The following SORCS3 variants were observed in gnomAD, a reference collection of about 807,000 sequenced individuals.
SORCS3 encodes VPS10 domain-containing receptor SorCS3.
Under a neutral mutation model 146.3 loss-of-function variants are expected in SORCS3, and 57 were observed. The observed-to-expected ratio is 0.39, with a 90% CI of 0.31 to 0.49. The LOEUF is 0.49. SORCS3 is among the 20% of genes least tolerant of loss of function. The pLI is 0.92. For synonymous variants in SORCS3, 653 were observed against 618.5 expected, an observed-to-expected ratio of 1.06 and a Z score of -0.83; for missense variants, 1,341 against 1,575.5, an observed-to-expected ratio of 0.85 and a Z score of 2.52.
At position 105,223,174 on chromosome 10, in the gene SORCS3, C is replaced by T; in HGVS notation, c.2793C>T (p.Val931=). Residue 931 remains valine (V), a synonymous_variant, in exon 20 of 27, where the codon GTC becomes GTT. Coordinates refer to ENST00000369701, the MANE Select transcript of SORCS3 (RefSeq NM_014978.3). ...VPFVAIRNKE[V]NISAVVWPSQ... is the part of the protein sequence containing the mutation. Reference sequence around the variant, plus strand: ...TTGTTGCCATAAGAAATAAGGAGGTCAACATCAGTGCAGTCGTGTGGCCCA... The same window carrying T: ...TTGTTGCCATAAGAAATAAGGAGGTTAACATCAGTGCAGTCGTGTGGCCCA... 6.2e-7 allele frequency: 1 copy of T among 1,613,118 alleles called. No individual in the cohort carries two copies. The highest frequency in any genetic ancestry group is 8.5e-7 in the Non-Finnish European group (1 of 1,179,330).
rs892714966 is a variant in SORCS3 at position 105,114,756 on chromosome 10, G to A, written c.1212+9241G>A. On this transcript the variant is annotated intron_variant, in intron 7 of 26. Transcript: ENST00000369701. Reference sequence around the variant, plus strand: ...GTGTAGATCCATCTACTACCCAGTGGTATTTTCAACTCTCAGTAATATTCT... The same window carrying A: ...GTGTAGATCCATCTACTACCCAGTGATATTTTCAACTCTCAGTAATATTCT... 2.8e-5 allele frequency among the ~76,000 whole-genome samples: 4 copies of A among 144,282 alleles called. No individual in the cohort carries two copies. In the East Asian group the frequency reaches 8.3e-4, roughly 30 times the overall value. The allele number at this position is 144,282 out of a possible 152,430, so 94.7% of individuals were successfully genotyped here.
intron 5 of SORCS3, among the ~76,000 whole-genome samples, chr10:105,045,912 C>T (rs554472059): frequency 1.0e-3 from 153 of 152,070 alleles, no homozygotes; most frequent in Non-Finnish European, 1.6e-3. Flanking sequence ...ATCTCGTGTA[C>T]GGTAAGGCTG....
At chr10:104,853,405 T>C (rs1564698571) in intron 2 of SORCS3, among the ~76,000 whole-genome samples, 1 of 152,258 alleles carries the variant, frequency 6.6e-6, no homozygotes, top group Non-Finnish European at 1.5e-5. Flanking sequence ...AAACCATTGC[T>C]AACTTAAGCA....
intron 1 of SORCS3, among the ~76,000 whole-genome samples, chr10:104,831,178 G>C (rs2017996703): frequency 6.6e-6 from 1 of 152,176 alleles, no homozygotes; most frequent in South Asian, 2.1e-4. Context: ...TATCAAGAAA[G>C]AGATTCATGA....
chr10:104,825,586 G>A (rs1052998049), intron 1 of SORCS3, among the ~76,000 whole-genome samples: 2 of 152,140 alleles, frequency 1.3e-5, no homozygotes, highest in African/African-American at 4.8e-5. Context: ...GATGGTGGTT[G>A]GATGGATGGA....
At chr10:105,060,303 G>T (rs2055476525) in intron 5 of SORCS3, among the ~76,000 whole-genome samples, 1 of 152,170 alleles carries the variant, frequency 6.6e-6, no homozygotes, top group Non-Finnish European at 1.5e-5. Flanking sequence ...TTGTTAGTAG[G>T]TCAGTCTGTC....
intron 1 of SORCS3, among the ~76,000 whole-genome samples, chr10:104,734,640 T>C (rs1486702041): frequency 6.6e-6 from 1 of 152,132 alleles, no homozygotes; most frequent in Non-Finnish European, 1.5e-5. Flanking sequence ...ATAGTGAGAA[T>C]GAGTCATGAG....
chr10:104,729,264 G>T (rs889010576), intron 1 of SORCS3, among the ~76,000 whole-genome samples: 6 of 152,128 alleles, frequency 3.9e-5, no homozygotes, highest in African/African-American at 1.4e-4. Context: ...CCTACTTTCA[G>T]CAAGACATTT....
intron 1 of SORCS3, among the ~76,000 whole-genome samples, chr10:104,670,584 C>G: frequency 6.6e-6 from 1 of 152,064 alleles, no homozygotes; most frequent in Non-Finnish European, 1.5e-5. Context: ...ATTACTGTAG[C>G]TTTGTAGTAA....
At position 104,915,917 on chromosome 10, in the gene SORCS3, A is replaced by G; in HGVS notation, c.780A>G (p.Pro260=). The change falls in exon 3 of 27, where the codon CCA becomes CCG. Residue 260 remains proline, a synonymous_variant. Coordinates refer to ENST00000369701, the MANE Select transcript of SORCS3 (RefSeq NM_014978.3). The part of the protein sequence containing the change: ...KTVLSYLYVN[P]TNKRKIMLLS... ...TCCTCAGTTACCTCTATGTCAATCC[A>G]ACCAACAAAAGGAAGGTAAGAGACT... is the stretch of plus-strand genomic sequence containing the variant. 1.2e-6 allele frequency: 2 copies of G among 1,614,032 alleles called. No individual in the cohort carries two copies. The highest frequency in any genetic ancestry group is 1.7e-6 in the Non-Finnish European group (2 of 1,179,920).
chr10:104,685,400 A>G (rs1046950644), intron 1 of SORCS3, among the ~76,000 whole-genome samples: 1 of 152,086 alleles, frequency 6.6e-6, no homozygotes, highest in African/African-American at 2.4e-5. Flanking sequence ...ACCATCTACC[A>G]GTGTTCTTCT....
Position 104,783,813 on chromosome 10 carries a change from A to G in SORCS3, c.628-58979A>G, listed in dbSNP as rs368996079. Among the ~76,000 whole-genome samples, 10 of 152,320 alleles carry G rather than the reference A, an allele frequency of 6.6e-5. 1 individual carries two copies. In the South Asian group the frequency reaches 1.9e-3, roughly 28 times the overall value. On this transcript the variant is annotated intron_variant, in intron 1 of 26. Coordinates refer to ENST00000369701, the MANE Select transcript of SORCS3 (RefSeq NM_014978.3). Reference sequence around the variant, plus strand: ...AATTGTGTATGGGCTGTTCTCTTACATCCTTCAGCTGATTCTTCTTCATCC... The same window carrying G: ...AATTGTGTATGGGCTGTTCTCTTACGTCCTTCAGCTGATTCTTCTTCATCC...
chr10:105,195,955 A>T (rs1011274975), intron 14 of SORCS3, among the ~76,000 whole-genome samples: 1 of 152,344 alleles, frequency 6.6e-6, no homozygotes, highest in East Asian at 1.9e-4. Flanking sequence ...GTATGGGGAA[A>T]GACCTGGGAA....
intron 3 of SORCS3, among the ~76,000 whole-genome samples, chr10:104,924,262 G>C (rs1215378408): frequency 2.0e-5 from 3 of 152,198 alleles, no homozygotes; most frequent in Admixed American, 6.5e-5. Flanking sequence ...CCTCAGAGCT[G>C]GGGCGGGAGC....
At chr10:104,696,587 A>T (rs1182750360) in intron 1 of SORCS3, among the ~76,000 whole-genome samples, 8 of 101,204 alleles carry the variant, frequency 7.9e-5, no homozygotes, top group Non-Finnish European at 1.4e-4. Context: ...TATAATATAT[A>T]TTATATACGT....
At chr10:105,023,087 T>C (rs79021032) in intron 4 of SORCS3, among the ~76,000 whole-genome samples, 2,271 of 152,234 alleles carry the variant, frequency 0.015, 16 homozygotes, top group Middle Eastern at 0.037. Context: ...CACCTTCTGA[T>C]AGGAGAATGT....
intron 1 of SORCS3, among the ~76,000 whole-genome samples, chr10:104,735,361 G>A (rs1440381941): frequency 6.6e-6 from 1 of 151,274 alleles, no homozygotes; most frequent in African/African-American, 2.4e-5. Flanking sequence ...AGCCGGAGAT[G>A]CGTCCTCAGC....
At chr10:105,262,512 A>G in intron 26 of SORCS3, 21 bp downstream of exon 26, 1 of 1,609,558 alleles carries the variant, frequency 6.2e-7, no homozygotes, top group Non-Finnish European at 8.5e-7. Context: ...CTGCTCCACT[A>G]AGCTCCCCTG....
chr10:104,857,866 T>A (rs568014017), intron 2 of SORCS3, among the ~76,000 whole-genome samples: 1 of 152,308 alleles, frequency 6.6e-6, no homozygotes, highest in Admixed American at 6.5e-5. Context: ...GTGACGTGAC[T>A]TCTTAAACTT....
Sources: allele counts gnomAD v4.1 joint callset (sites outside exome capture counted in the v4.1 genomes callset), GRCh38; gene constraint gnomAD v4.1.1; transcripts MANE v1.5; gene names NCBI Gene and HGNC (gene_info 2026-07-23, HGNC 2026-07-21).